The following SPTBN1 variants were observed in gnomAD, a reference collection of about 807,000 sequenced individuals.
The protein encoded by SPTBN1 is spectrin beta chain, non-erythrocytic 1.
A neutral mutation model predicts 266.4 loss-of-function variants in SPTBN1; 32 were observed. That is an observed-to-expected ratio of 0.12 (90% CI 0.09 to 0.16). The LOEUF (loss-of-function observed/expected upper bound fraction) is 0.16, where lower values mean the gene tolerates loss of function less well. SPTBN1 is among the 10% of genes least tolerant of loss of function. SPTBN1 has a pLI of 1.00. For missense variants in SPTBN1, 2,296 were observed against 3,067.1 expected (o/e 0.75, Z 5.94); for synonymous variants, 1,336 against 1,162.2 (o/e 1.15, Z -3.04).
chr2:54,515,042 TC>T (rs1670045365), intron 1 of SPTBN1, among the ~76,000 whole-genome samples: 1 of 152,160 alleles, frequency 6.6e-6, no homozygotes, highest in Admixed American at 6.5e-5. Flanking sequence ...GGGAATAACA[TC>T]ACTATTGCAA....
intron 2 of SPTBN1, among the ~76,000 whole-genome samples, chr2:54,587,791 C>T (rs1204314778): frequency 2.0e-5 from 3 of 152,064 alleles, no homozygotes; most frequent in Non-Finnish European, 4.4e-5. Context: ...AATGGGGTGG[C>T]ACACTCCATC....
intron 2 of SPTBN1, among the ~76,000 whole-genome samples, chr2:54,559,948 G>A (rs1673173063): frequency 6.6e-6 from 1 of 152,158 alleles, no homozygotes; most frequent in South Asian, 2.1e-4. Context: ...TTTGTCTTGT[G>A]AAATAGTTGA....
At chr2:54,536,378 A>G (rs1312498638) in intron 2 of SPTBN1, among the ~76,000 whole-genome samples, 1 of 152,228 alleles carries the variant, frequency 6.6e-6, no homozygotes, top group Non-Finnish European at 1.5e-5. Context: ...TTTAACCTCC[A>G]TCTTCAGTGA....
chr2:54,485,074 G>C (rs562658531), intron 1 of SPTBN1, among the ~76,000 whole-genome samples: 2 of 150,932 alleles, frequency 1.3e-5, no homozygotes, highest in East Asian at 3.9e-4. Flanking sequence ...TGCACAGAAT[G>C]TGGAAAGAAA....
intron 1 of SPTBN1, among the ~76,000 whole-genome samples, chr2:54,468,697 A>G (rs1466490704): frequency 6.6e-6 from 1 of 152,246 alleles, no homozygotes; most frequent in African/African-American, 2.4e-5. Context: ...TTTCTCTTTT[A>G]TGAATAATGT....
chr2:54,475,405 T>G (rs369897921), intron 1 of SPTBN1, among the ~76,000 whole-genome samples: 1 of 152,096 alleles, frequency 6.6e-6, no homozygotes, highest in East Asian at 1.9e-4. Context: ...GTTATCTATG[T>G]TTAGAAACTT....
chr2:54,617,493 C>T, intron 5 of SPTBN1, 115 bp from the exon 6 acceptor site: 1 of 820,984 alleles, frequency 1.2e-6, no homozygotes, highest in Non-Finnish European at 1.9e-6. Flanking sequence ...TAGTGATATT[C>T]ACTGCTTTAG....
rs1030982789 is a variant in SPTBN1 at position 54,628,653 on chromosome 2, G to A, written c.1799-280G>A. On this transcript the variant is annotated intron_variant, in intron 13 of 35. Coordinates refer to ENST00000356805, the MANE Select transcript of SPTBN1 (RefSeq NM_003128.3). The surrounding 1 kb of genome is among the most constrained non-coding windows in gnomAD (Gnocchi z 4.3). The stretch of plus-strand genomic sequence containing the variant: ...CGTGTATTTCTAGAAACAATTATAT[G>A]CAGCTGCCTTTTTCATATGATTCAA... 5.3e-5 allele frequency among the ~76,000 whole-genome samples: 8 copies of A among 152,160 alleles called. No individual in the cohort carries two copies. The highest frequency in any genetic ancestry group is 5.2e-4 in the Admixed American group (8 of 15,284).
chr2:54,475,563 T>C (rs1393446996), intron 1 of SPTBN1, among the ~76,000 whole-genome samples: 2 of 152,190 alleles, frequency 1.3e-5, no homozygotes, highest in African/African-American at 4.8e-5. Context: ...TGAGTGAGAA[T>C]GGTAGAGCCT....
intron 3 of SPTBN1, among the ~76,000 whole-genome samples, chr2:54,601,392 C>T (rs1676488992): frequency 1.3e-5 from 2 of 152,154 alleles, no homozygotes; most frequent in South Asian, 4.1e-4. Context: ...ATGGAACTTC[C>T]TGGAAAGGAA....
chr2:54,670,951 GTTTT>G lies in SPTBN1; in HGVS notation c.*2385_*2388del, dbSNP rs199831842. The G allele has an allele frequency of 5.1e-6, 2 of 395,190 alleles. No homozygotes were observed. Among genetic ancestry groups the G allele is most frequent in the Non-Finnish European group, 4.4e-6 (1 of 225,282 alleles). The allele number at this position is 395,190 out of a possible 1,614,324, so 24.5% of individuals were successfully genotyped here. On this transcript the variant is annotated 3_prime_UTR_variant, in exon 36 of 36. Coordinates refer to ENST00000356805, the MANE Select transcript of SPTBN1 (RefSeq NM_003128.3). ...GCCTGGCAGGGTAAATAGTTTTTGG[GTTTT>G]TTGTTTTTTTTTTATTCTTCCACTA...
At chr2:54,644,905 A>G (rs945263839) in intron 20 of SPTBN1, among the ~76,000 whole-genome samples, 3 of 152,342 alleles carry the variant, frequency 2.0e-5, no homozygotes, top group Non-Finnish European at 4.4e-5. Context: ...TGCATTTTAC[A>G]CGAAAGAAAT....
chr2:54,579,123 A>G lies in SPTBN1; in HGVS notation c.149-19969A>G, dbSNP rs536453112. 4.6e-5 allele frequency among the ~76,000 whole-genome samples: 7 copies of G among 152,266 alleles called. No individual in the cohort carries two copies. The East Asian group carries it at 7.7e-4, about 17-fold the overall frequency. ...TCTGCACCAACCTAATATATATTAT[A>G]TATTCCCATTTTGTTCTTTTCAGAA... On this transcript the variant is annotated intron_variant, in intron 2 of 35. Transcript: ENST00000356805.
At chr2:54,506,073 A>G (rs1271092120) in intron 1 of SPTBN1, among the ~76,000 whole-genome samples, 6 of 152,036 alleles carry the variant, frequency 3.9e-5, no homozygotes, top group African/African-American at 1.4e-4. Context: ...GCAGTGAGCC[A>G]AGATCGCGCC....
Position 54,664,404 on chromosome 2 carries a change from AC to A in SPTBN1, c.6421-44del. 1 of 1,567,874 alleles carries A rather than the reference AC, an allele frequency of 6.4e-7. No homozygotes were observed. Among genetic ancestry groups the A allele is most frequent in the Non-Finnish European group, 8.7e-7 (1 of 1,146,950 alleles). ...CGAGTCAGGTAGAGCGTATGTGGTC[AC>A]CCCCATGGCTCACGGAGTTAGCTGA... On this transcript the variant is annotated intron_variant, in intron 32 of 35. Coordinates refer to ENST00000356805, the MANE Select transcript of SPTBN1 (RefSeq NM_003128.3). This position sits in a 1 kb window ranked among gnomAD's most constrained non-coding sequence, Gnocchi z 5.6.
intron 1 of SPTBN1, among the ~76,000 whole-genome samples, chr2:54,502,645 G>T (rs1573287962): frequency 6.6e-6 from 1 of 152,194 alleles, no homozygotes; most frequent in East Asian, 1.9e-4. Context: ...ATGTGTTCAT[G>T]GAAAATCCAA....
Position 54,631,180 on chromosome 2 carries a change from G to A in SPTBN1, c.3133G>A (p.Glu1045Lys), listed in dbSNP as rs1355699525. 6.2e-7 allele frequency: 1 copy of A among 1,614,224 alleles called. No individual in the cohort carries two copies. Among genetic ancestry groups the A allele is most frequent in the South Asian group, 1.1e-5 (1 of 91,090 alleles). ...SRLAEISDVW[E>K]EMKTTLKNRE... ...GCTGGCCGAGATCAGCGACGTGTGG[G>A]AGGAGATGAAGACCACCCTGAAAAA... The change falls in exon 16 of 36, where the codon GAG becomes AAG. Residue 1045 changes from glutamate to lysine, a missense_variant. Transcript: ENST00000356805.
chr2:54,462,914 C>CTGAGAAT (rs1482824087), intron 1 of SPTBN1, among the ~76,000 whole-genome samples: 1 of 152,250 alleles, frequency 6.6e-6, no homozygotes, highest in Non-Finnish European at 1.5e-5. Context: ...ATATTCTCGA[C>CTGAGAAT]ATGGTGTTCT....
Position 54,669,427 on chromosome 2 carries a change from G to A in SPTBN1, c.*858G>A, listed in dbSNP as rs1026530027. 1 of 152,614 alleles carries A rather than the reference G, an allele frequency of 6.6e-6. No homozygotes were observed. Among genetic ancestry groups the A allele is most frequent in the East Asian group, 1.9e-4 (1 of 5,194 alleles). The allele number at this position is 152,614 out of a possible 1,614,324, so 9.5% of individuals were successfully genotyped here. A position where few individuals can be genotyped will look rare whatever the true frequency, so the allele number is the denominator to read the frequency against. On this transcript the variant is annotated 3_prime_UTR_variant, in exon 36 of 36. Transcript: ENST00000356805. ...ACTTGCTCGTGCGTTGCCACACTGT[G>A]TTATAATTTGCTTCATTTCCTTGCT...
Sources: allele counts gnomAD v4.1 joint callset (sites outside exome capture counted in the v4.1 genomes callset), GRCh38; gene constraint gnomAD v4.1.1; non-coding constraint Gnocchi (gnomAD v3.1); transcripts MANE v1.5; gene names NCBI Gene and HGNC (gene_info 2026-07-23, HGNC 2026-07-21).